The following ZBBX variants were observed in gnomAD, a reference collection of about 807,000 sequenced individuals.
ZBBX encodes the protein zinc finger B-box domain-containing protein 1.
A neutral mutation model predicts 108.5 loss-of-function variants in ZBBX; 101 were observed. The ratio of observed to expected loss-of-function variants is 0.93; its 90% confidence interval spans 0.79 to 1.10. ZBBX has a LOEUF of 1.10. Among genes scored for constraint, ZBBX ranks in the 50% least tolerant of loss-of-function variants. The pLI is 0.00. For synonymous variants in ZBBX, 356 were observed against 323.4 expected, an observed-to-expected ratio of 1.10 and a Z score of -1.08; for missense variants, 1,009 against 941.4, an observed-to-expected ratio of 1.07 and a Z score of -0.94.
intron 1 of ZBBX, chr3:167,401,486 G>C (rs1247170620): frequency 2.6e-5 from 4 of 152,184 alleles, no homozygotes; most frequent in African/African-American, 9.7e-5. Context: ...CAGCCCGGAA[G>C]GCTGCTGGTT....
intron 18 of ZBBX, among the ~76,000 whole-genome samples, chr3:167,289,947 C>T (rs1362484900): frequency 6.6e-6 from 1 of 152,098 alleles, no homozygotes; most frequent in African/African-American, 2.4e-5. Flanking sequence ...GTTTTATCCT[C>T]ACAGTGTAAA....
Position 167,340,217 on chromosome 3 carries a change from C to T in ZBBX, c.529-6232G>A, listed in dbSNP as rs1157807828. 3.3e-5 allele frequency among the ~76,000 whole-genome samples: 5 copies of T among 151,978 alleles called. No individual in the cohort carries two copies. In the East Asian group the frequency reaches 7.7e-4, roughly 23 times the overall value. On this transcript the variant is annotated intron_variant, in intron 9 of 21. Coordinates refer to ENST00000675490, the MANE Select transcript of ZBBX (RefSeq NM_001199201.2). Reference sequence around the variant, plus strand: ...GATAATAACAAATTAGACTAAATCTCTCTAAGTTTGGAGCTATAAGGAAAT... The same window carrying T: ...GATAATAACAAATTAGACTAAATCTTTCTAAGTTTGGAGCTATAAGGAAAT...
intron 8 of ZBBX, among the ~76,000 whole-genome samples, chr3:167,352,087 TA>T (rs11394528): frequency 2.0e-5 from 3 of 151,492 alleles, no homozygotes; most frequent in Non-Finnish European, 1.5e-5. Flanking sequence ...TCAAGGAACA[TA>T]AAAAAAGAGA....
chr3:167,314,862 A>G (rs1735172512), intron 15 of ZBBX, among the ~76,000 whole-genome samples: 1 of 152,176 alleles, frequency 6.6e-6, no homozygotes, highest in Non-Finnish European at 1.5e-5. Context: ...AAGATATATA[A>G]AAGAATCCGA....
downstream of ZBBX, among the ~76,000 whole-genome samples, chr3:167,236,795 A>G (rs997112388): frequency 1.3e-5 from 2 of 151,842 alleles, no homozygotes; most frequent in South Asian, 4.1e-4. Context: ...CTCTGTTGAA[A>G]TGTATAGTCT....
the ZBBX span, among the ~76,000 whole-genome samples, chr3:167,224,418 TTAA>T: frequency 6.6e-6 from 1 of 152,018 alleles, no homozygotes; most frequent in Admixed American, 6.6e-5. Context: ...GTGACTATAG[TTAA>T]TAATGATATA....
chr3:167,295,740 TATATATATATATATATATAAAA>T (rs760170842), intron 18 of ZBBX, among the ~76,000 whole-genome samples: 17,085 of 44,352 alleles, frequency 0.39, 2,823 homozygotes, highest in South Asian at 0.52. Context: ...TATATATATA[TATATATATATATATATATAAAA>T]AAAACTAGTA....
In ZBBX at chr3:167,282,465, T is replaced by C; in HGVS notation, c.2027A>G (p.Asn676Ser). 1 of 1,613,184 alleles carries C rather than the reference T, an allele frequency of 6.2e-7. No homozygotes were observed. Residue 676 changes from asparagine (N) to serine (S), a missense_variant, in exon 20 of 22, where the codon AAT becomes AGT. Coordinates refer to ENST00000675490, the MANE Select transcript of ZBBX (RefSeq NM_001199201.2). ...GQKSQRPSTA[N>S]FPLSNSVKES... ...TTTAACAGAGTTGGAAAGTGGAAAA[T>C]TTGCTGTTGAAGGTCTCTGTGATTT...
At chr3:167,217,228 T>C in the ZBBX span, among the ~76,000 whole-genome samples, 5 of 152,018 alleles carry the variant, frequency 3.3e-5, no homozygotes, top group Non-Finnish European at 7.4e-5. Flanking sequence ...ATGCATCTGA[T>C]AGAGGTCTAA....
At chr3:167,182,513 T>C in the ZBBX span, among the ~76,000 whole-genome samples, 9 of 152,350 alleles carry the variant, frequency 5.9e-5, no homozygotes, top group Admixed American at 4.6e-4. Context: ...GATTTTTTCC[T>C]AAGCTCTAAT....
the ZBBX span, among the ~76,000 whole-genome samples, chr3:167,210,988 G>A: frequency 2.0e-5 from 3 of 152,260 alleles, no homozygotes; most frequent in African/African-American, 7.2e-5. Flanking sequence ...TGGCCAAGAT[G>A]GCCAATTAGA....
At chr3:167,228,871 G>A in the ZBBX span, among the ~76,000 whole-genome samples, 1 of 151,664 alleles carries the variant, frequency 6.6e-6, no homozygotes, top group Admixed American at 6.6e-5. Flanking sequence ...GAACAACATG[G>A]GGCTGGCTTC....
At chr3:167,280,129 A>T (rs376570920) in intron 20 of ZBBX, among the ~76,000 whole-genome samples, 1 of 152,280 alleles carries the variant, frequency 6.6e-6, no homozygotes, top group Middle Eastern at 3.4e-3. Flanking sequence ...ACTTTAGACC[A>T]AAAACCATAA....
chr3:167,384,533 T>C (rs1747847084), upstream of ZBBX, among the ~76,000 whole-genome samples: 1 of 151,914 alleles, frequency 6.6e-6, no homozygotes, highest in Non-Finnish European at 1.5e-5. Flanking sequence ...AATACAAAAA[T>C]ATGACATAGC....
downstream of ZBBX, among the ~76,000 whole-genome samples, chr3:167,237,155 C>T (rs1222748110): frequency 6.6e-6 from 1 of 151,616 alleles, no homozygotes; most frequent in Non-Finnish European, 1.5e-5. Context: ...ATGCACCTCA[C>T]ATATAATGCC....
chr3:167,327,434 C>T (rs1464550314), intron 11 of ZBBX, among the ~76,000 whole-genome samples: 1 of 152,092 alleles, frequency 6.6e-6, no homozygotes, highest in Non-Finnish European at 1.5e-5. Flanking sequence ...ATGCAAATCC[C>T]CCTAGTGCCC....
chr3:167,282,468 G>A lies in ZBBX; in HGVS notation c.2024C>T (p.Ala675Val), dbSNP rs12638625. Reference sequence around the variant, plus strand: ...AACAGAGTTGGAAAGTGGAAAATTTGCTGTTGAAGGTCTCTGTGATTTCTG... The same window carrying A: ...AACAGAGTTGGAAAGTGGAAAATTTACTGTTGAAGGTCTCTGTGATTTCTG... ...MGQKSQRPST[A>V]NFPLSNSVKE... The change falls in exon 20 of 22, where the codon GCA becomes GTA. Residue 675 changes from alanine (A) to valine (V), a missense_variant. By Grantham distance (64) the Ala-to-Val change is moderately conservative. Coordinates refer to ENST00000675490, the MANE Select transcript of ZBBX (RefSeq NM_001199201.2). The A allele has an allele frequency of 6.2e-7, 1 of 1,607,650 alleles. No individual in the cohort carries two copies. Among genetic ancestry groups the A allele is most frequent in the African/African-American group, 1.3e-5 (1 of 74,808 alleles).
chr3:167,207,722 A>G, the ZBBX span, among the ~76,000 whole-genome samples: 1 of 152,164 alleles, frequency 6.6e-6, no homozygotes, highest in Non-Finnish European at 1.5e-5. Context: ...GATGAAGACA[A>G]TAGAATAATA....
In ZBBX at chr3:167,254,624, G is replaced by A. The variant is rs900935193; in HGVS notation, c.2255-11981C>T. On this transcript the variant is annotated intron_variant, in intron 20 of 21. Coordinates refer to ENST00000675490, the MANE Select transcript of ZBBX (RefSeq NM_001199201.2). ...ATAAGTAATACTTTTTTAAAGAGACGCCAACATAAAGAAAATAGGTTTCTC... is the reference window on the plus strand; with the variant it reads ...ATAAGTAATACTTTTTTAAAGAGACACCAACATAAAGAAAATAGGTTTCTC... 5.3e-5 allele frequency among the ~76,000 whole-genome samples: 8 copies of A among 152,046 alleles called. No individual in the cohort carries two copies. The South Asian group carries it at 6.2e-4, about 12-fold the overall frequency.
Sources: allele counts gnomAD v4.1 joint callset (sites outside exome capture counted in the v4.1 genomes callset), GRCh38; gene constraint gnomAD v4.1.1; transcripts MANE v1.5; gene names NCBI Gene and HGNC (gene_info 2026-07-23, HGNC 2026-07-21).